Variants in RBFOX1 observed in about 807,000 individuals in gnomAD.
RBFOX1 encodes RNA binding protein fox-1 homolog 1.
Under a neutral mutation model 57.7 loss-of-function variants are expected in RBFOX1, and 8 were observed. The observed-to-expected ratio is 0.14, with a 90% CI of 0.08 to 0.25. The LOEUF (loss-of-function observed/expected upper bound fraction) is 0.25. RBFOX1 is among the 10% of genes least tolerant of loss of function. The pLI is 1.00. For missense variants in RBFOX1, 611 were observed against 548.5 expected (o/e 1.11, Z -1.14); for synonymous variants, 326 against 222.4 (o/e 1.47, Z -4.15).
intron 1 of RBFOX1, among the ~76,000 whole-genome samples, chr16:6,180,405 T>A (rs2097053794): frequency 6.6e-6 from 1 of 152,118 alleles, no homozygotes; most frequent in African/African-American, 2.4e-5. Context: ...TCTATTATTT[T>A]TGGCCTAAAA....
At chr16:5,430,829 A>G (rs2067710608) in intron 1 of RBFOX1, among the ~76,000 whole-genome samples, 1 of 152,270 alleles carries the variant, frequency 6.6e-6, no homozygotes, top group South Asian at 2.1e-4. Flanking sequence ...AGAAACATAC[A>G]GATACAACAG....
intron 1 of RBFOX1, among the ~76,000 whole-genome samples, chr16:5,456,523 T>C (rs932542401): frequency 2.0e-5 from 3 of 152,238 alleles, no homozygotes; most frequent in African/African-American, 7.2e-5. Context: ...TTCTGATTGA[T>C]ACCACTTATT....
At chr16:6,672,385 G>C (rs758392384) in intron 3 of RBFOX1, among the ~76,000 whole-genome samples, 3 of 150,066 alleles carry the variant, frequency 2.0e-5, no homozygotes, top group Middle Eastern at 3.4e-3. Flanking sequence ...AAGAGAGAGA[G>C]AAGGAGAGAG....
chr16:6,314,619 G>C (rs1028393151), intron 1 of RBFOX1, among the ~76,000 whole-genome samples: 40 of 152,098 alleles, frequency 2.6e-4, no homozygotes, highest in Non-Finnish European at 4.4e-5. Context: ...CTGGATCTTA[G>C]AATGTAAGGA....
At chr16:6,642,271 C>G (rs1289069890) in intron 2 of RBFOX1, among the ~76,000 whole-genome samples, 2 of 152,234 alleles carry the variant, frequency 1.3e-5, no homozygotes, top group African/African-American at 2.4e-5. Context: ...AAAAGCTGAG[C>G]GAAAATTATT....
chr16:5,733,831 A>G lies in RBFOX1; in HGVS notation c.319-133472A>G, dbSNP rs555711441. Among the ~76,000 whole-genome samples the G allele has an allele frequency of 2.0e-5, 3 of 149,704 alleles. No homozygotes were observed. The East Asian group carries it at 5.9e-4, about 30-fold the overall frequency. ...TTCCTTCCCATCCGCGTCCATGCTGATGCTCTAGTCTTTCCCTGGGATGCG... is the reference window on the plus strand; with the variant it reads ...TTCCTTCCCATCCGCGTCCATGCTGGTGCTCTAGTCTTTCCCTGGGATGCG... On this transcript the variant is annotated intron_variant, in intron 3 of 19. Transcript: ENST00000641259.
At chr16:7,073,191 T>C (rs1004057734) in intron 4 of RBFOX1, among the ~76,000 whole-genome samples, 6 of 152,192 alleles carry the variant, frequency 3.9e-5, no homozygotes, top group Non-Finnish European at 5.9e-5. Flanking sequence ...GTCTTTGTAG[T>C]CTGTGATCAA....
At chr16:7,487,636 C>G (rs2065773087) in intron 4 of RBFOX1, among the ~76,000 whole-genome samples, 1 of 152,124 alleles carries the variant, frequency 6.6e-6, no homozygotes, top group South Asian at 2.1e-4. Flanking sequence ...TGTTCATATA[C>G]ATATAGAAAC....
chr16:6,264,060 T>G (rs1384928508), intron 1 of RBFOX1, among the ~76,000 whole-genome samples: 2 of 152,192 alleles, frequency 1.3e-5, no homozygotes, highest in African/African-American at 4.8e-5. Flanking sequence ...GAATTTGCAA[T>G]GGGGATTCGA....
intron 1 of RBFOX1, among the ~76,000 whole-genome samples, chr16:6,206,148 C>G (rs1185247386): frequency 3.3e-5 from 5 of 152,230 alleles, no homozygotes; most frequent in East Asian, 1.9e-4. Context: ...AAGAAAACTT[C>G]TTACTATGAT....
At chr16:6,732,881 A>T (rs2069033689) in intron 3 of RBFOX1, among the ~76,000 whole-genome samples, 1 of 152,184 alleles carries the variant, frequency 6.6e-6, no homozygotes, top group African/African-American at 2.4e-5. Context: ...TTTGCATCTG[A>T]AAGTTTGTTG....
At chr16:6,999,950 T>C (rs1409114128) in intron 3 of RBFOX1, among the ~76,000 whole-genome samples, 1 of 151,678 alleles carries the variant, frequency 6.6e-6, no homozygotes, top group African/African-American at 2.4e-5. Flanking sequence ...CACACACTTG[T>C]AATTTCAGCT....
At chr16:7,500,180 G>C (rs1308590087) in intron 4 of RBFOX1, among the ~76,000 whole-genome samples, 2 of 152,168 alleles carry the variant, frequency 1.3e-5, no homozygotes, top group African/African-American at 4.8e-5. Context: ...AGACTCTCCA[G>C]TCTCAAGTGG....
intron 3 of RBFOX1, among the ~76,000 whole-genome samples, chr16:7,014,815 C>G (rs771528325): frequency 6.6e-6 from 1 of 152,092 alleles, no homozygotes; most frequent in Non-Finnish European, 1.5e-5. Context: ...ACCTCCGTCT[C>G]CAGGATTCAA....
At chr16:6,559,079 C>G (rs372777155) in intron 2 of RBFOX1, among the ~76,000 whole-genome samples, 1 of 151,798 alleles carries the variant, frequency 6.6e-6, no homozygotes. Flanking sequence ...TCTCATAGTT[C>G]CTTGTACTTT....
At chr16:5,965,245 T>C (rs2152292616) in intron 4 of RBFOX1, among the ~76,000 whole-genome samples, 1 of 152,270 alleles carries the variant, frequency 6.6e-6, no homozygotes, top group East Asian at 1.9e-4. Flanking sequence ...GTGACTATAG[T>C]TAATAATAAT....
At chr16:6,770,766 C>T (rs781473236) in intron 3 of RBFOX1, among the ~76,000 whole-genome samples, 1 of 152,032 alleles carries the variant, frequency 6.6e-6, no homozygotes, top group Non-Finnish European at 1.5e-5. Flanking sequence ...TTCTTGTCTC[C>T]CCAGTTGGGA....
chr16:7,333,425 G>A (rs2096728726), intron 4 of RBFOX1, among the ~76,000 whole-genome samples: 1 of 152,198 alleles, frequency 6.6e-6, no homozygotes, highest in Non-Finnish European at 1.5e-5. Flanking sequence ...AGCAGATCAT[G>A]AGACAAAGTA....
chr16:5,976,172 A>G (rs1204551867), intron 4 of RBFOX1, among the ~76,000 whole-genome samples: 1 of 152,054 alleles, frequency 6.6e-6, no homozygotes, highest in African/African-American at 2.4e-5. Context: ...AAATAATAAA[A>G]TAAAATAAAA....
Sources: gnomAD v4.1 joint callset for allele counts (sites outside exome capture counted in the v4.1 genomes callset) on GRCh38, gnomAD v4.1.1 for gene constraint, MANE v1.5 for transcripts, NCBI Gene and HGNC (gene_info 2026-07-23, HGNC 2026-07-21) for gene names.